Variants in SNAP25 observed in about 807,000 individuals in gnomAD.
SNAP25 encodes the protein synaptosome associated protein 25.
SNAP25 carries 3 observed loss-of-function variants against 28.7 expected under a neutral mutation model. That is an observed-to-expected ratio of 0.10 (90% confidence interval 0.05 to 0.27). The LOEUF (loss-of-function observed/expected upper bound fraction) is 0.27. Ranked by LOEUF, SNAP25 falls within the 10% of genes least tolerant of loss-of-function variation. SNAP25 has a pLI of 1.00. For missense variants in SNAP25, 117 were observed against 278.7 expected, an observed-to-expected ratio of 0.42 and a Z score of 4.13; for synonymous variants, 61 against 88.1, an observed-to-expected ratio of 0.69 and a Z score of 1.72.
intron 1 of SNAP25, among the ~76,000 whole-genome samples, chr20:10,237,982 A>T (rs2062953924): frequency 6.6e-6 from 1 of 152,134 alleles, no homozygotes; most frequent in Non-Finnish European, 1.5e-5. Flanking sequence ...GGTTGGCTCC[A>T]TGGAATTAAC....
chr20:10,292,818 C>T, intron 4 of SNAP25: 2 of 968,306 alleles, frequency 2.1e-6, no homozygotes, highest in South Asian at 1.5e-5. Flanking sequence ...ATAGTCATTT[C>T]TCATGTTCTG....
intron 4 of SNAP25, among the ~76,000 whole-genome samples, chr20:10,291,826 G>A (rs960452317): frequency 2.0e-4 from 30 of 152,184 alleles, no homozygotes; most frequent in African/African-American, 6.5e-4. Context: ...ATGTAATTAG[G>A]TTTTGTAATT....
chr20:10,274,670 C>T (rs1031458327), intron 1 of SNAP25, among the ~76,000 whole-genome samples: 9 of 152,064 alleles, frequency 5.9e-5, no homozygotes, highest in Non-Finnish European at 8.8e-5. Flanking sequence ...AGTGAAACCC[C>T]GTCTCTACTA....
intron 6 of SNAP25, among the ~76,000 whole-genome samples, chr20:10,297,470 C>T (rs1293732109): frequency 6.6e-6 from 1 of 152,156 alleles, no homozygotes; most frequent in Non-Finnish European, 1.5e-5. Flanking sequence ...CATCACATTC[C>T]ATGAGTTTAA....
intron 3 of SNAP25, among the ~76,000 whole-genome samples, chr20:10,279,607 C>T (rs558662545): frequency 9.8e-4 from 149 of 152,326 alleles, no homozygotes; most frequent in South Asian, 5.4e-3. Flanking sequence ...CAAGCCATGT[C>T]GTCCAGTCTT....
intron 1 of SNAP25, among the ~76,000 whole-genome samples, chr20:10,233,659 AG>A (rs2062866076): frequency 6.6e-6 from 1 of 152,168 alleles, no homozygotes; most frequent in Non-Finnish European, 1.5e-5. Flanking sequence ...TTCTCTCTCA[AG>A]GTGGAAGAAC....
At chr20:10,231,646 A>G (rs1292831512) in intron 1 of SNAP25, 1 of 152,158 alleles carries the variant, frequency 6.6e-6, no homozygotes, top group Non-Finnish European at 1.5e-5. Flanking sequence ...GAACATTCTC[A>G]TAACCCTGAG....
At chr20:10,299,504 A>G in intron 7 of SNAP25, 92 bp downstream of exon 7, 1 of 1,313,886 alleles carries the variant, frequency 7.6e-7, no homozygotes, top group Non-Finnish European at 1.0e-6. Flanking sequence ...TCCTCAAAAC[A>G]CGACCTTGGA....
chr20:10,229,255 G>C (rs6039776), intron 1 of SNAP25, among the ~76,000 whole-genome samples: 1 of 152,064 alleles, frequency 6.6e-6, no homozygotes, highest in Non-Finnish European at 1.5e-5. Context: ...TTTGTGTTAA[G>C]GATTTTTGTT....
chr20:10,293,612 C>G lies in SNAP25; in HGVS notation c.281+334C>G, dbSNP rs2064044769. On this transcript the variant is annotated intron_variant, in intron 5 of 7. Coordinates refer to ENST00000254976, the MANE Select transcript of SNAP25 (RefSeq NM_130811.4). This position sits in a 1 kb window ranked among gnomAD's most constrained non-coding sequence, Gnocchi z 5.6. ...CTTCCTTTTCCCCAACCCCAAGAGTCAAAATTACAGATTTAGAAAAGGCTG... is the reference window on the plus strand; with the variant it reads ...CTTCCTTTTCCCCAACCCCAAGAGTGAAAATTACAGATTTAGAAAAGGCTG... 6.6e-6 allele frequency among the ~76,000 whole-genome samples: 1 copy of G among 152,068 alleles called. No individual in the cohort carries two copies. Among genetic ancestry groups the G allele is most frequent in the African/African-American group, 2.4e-5 (1 of 41,390 alleles).
chr20:10,296,222 CTATGCTTCT>C (rs1340019380), intron 5 of SNAP25: 4 of 152,178 alleles, frequency 2.6e-5, no homozygotes, highest in Non-Finnish European at 5.9e-5. Context: ...ATTCATTTCA[CTATGCTTCT>C]TTTACTTTTT....
intron 3 of SNAP25, among the ~76,000 whole-genome samples, chr20:10,282,162 TGGAAGGAAGGAAGGAAGGAA>T (rs536313526): frequency 0.022 from 1,660 of 76,570 alleles, 24 homozygotes; most frequent in African/African-American, 0.074. Context: ...GAAGGAAGGA[TGGAAGGAAGGAAGGAAGGAA>T]GGAAGGAAGG....
intron 1 of SNAP25, among the ~76,000 whole-genome samples, chr20:10,241,886 C>T (rs983180919): frequency 9.2e-5 from 14 of 152,098 alleles, no homozygotes; most frequent in South Asian, 4.1e-4. Flanking sequence ...AATTGTAACA[C>T]GGAGATTGAT....
intron 1 of SNAP25, among the ~76,000 whole-genome samples, chr20:10,238,267 T>C (rs1198272329): frequency 6.6e-6 from 1 of 152,162 alleles, no homozygotes; most frequent in African/African-American, 2.4e-5. Context: ...ATCTTGCAGG[T>C]TTAGGACTGA....
At chr20:10,222,248 A>G (rs1425088212) in intron 1 of SNAP25, among the ~76,000 whole-genome samples, 1 of 152,264 alleles carries the variant, frequency 6.6e-6, no homozygotes, top group Non-Finnish European at 1.5e-5. Context: ...AATTAAATGC[A>G]ATAAAACATT....
In SNAP25 at chr20:10,263,105, G is replaced by A. The variant is rs546357450; in HGVS notation, c.-63-12324G>A. Among the ~76,000 whole-genome samples, 20 of 131,906 alleles carry A rather than the reference G, an allele frequency of 1.5e-4. No homozygotes were observed. The Admixed American group carries it at 1.8e-3, about 12-fold the overall frequency. 86.5% of individuals were successfully genotyped at this position (131,906 alleles called of 152,430 possible). On this transcript the variant is annotated intron_variant, in intron 1 of 7. Coordinates refer to ENST00000254976, the MANE Select transcript of SNAP25 (RefSeq NM_130811.4). ...GCAGTCTCAGCTCACTGCAAGCTCC[G>A]CCTCCCAGCTTCATGTCATTCTCCT...
At chr20:10,223,704 A>T (rs79741592) in intron 1 of SNAP25, among the ~76,000 whole-genome samples, 3,414 of 152,264 alleles carry the variant, frequency 0.022, 70 homozygotes, top group Non-Finnish European at 0.035. Context: ...AAAAGACTTC[A>T]TAGAAATTTC....
chr20:10,298,144 C>A (rs2064155360), intron 6 of SNAP25, among the ~76,000 whole-genome samples: 1 of 152,072 alleles, frequency 6.6e-6, no homozygotes, highest in Non-Finnish European at 1.5e-5. Flanking sequence ...TGGGCCCAAT[C>A]CACACCAATT....
chr20:10,283,876 T>A (rs1358088245), intron 3 of SNAP25, among the ~76,000 whole-genome samples: 4 of 152,196 alleles, frequency 2.6e-5, no homozygotes, highest in African/African-American at 7.2e-5. Context: ...AAATGAGGAT[T>A]CTTAAGTATG....
Sources: allele counts gnomAD v4.1 joint callset (sites outside exome capture counted in the v4.1 genomes callset), GRCh38; gene constraint gnomAD v4.1.1; non-coding constraint Gnocchi (gnomAD v3.1); transcripts MANE v1.5; gene names NCBI Gene and HGNC (gene_info 2026-07-23, HGNC 2026-07-21).